Variants in NDC1 observed in about 807,000 individuals in gnomAD.
NDC1 encodes nucleoporin NDC1.
NDC1 carries 24 observed loss-of-function variants against 89.8 expected under a neutral mutation model. That is an observed-to-expected ratio of 0.27 (90% CI 0.19 to 0.38). NDC1 has a LOEUF of 0.38. Among genes scored for constraint, NDC1 ranks in the 10% least tolerant of loss-of-function variants. NDC1 has a pLI of 1.00. For synonymous variants in NDC1, 296 were observed against 284.8 expected (o/e 1.04, Z -0.39); for missense variants, 728 against 797.6 (o/e 0.91, Z 1.05).
In NDC1 at chr1:53,787,127, T is replaced by G. The variant is rs202006036; in HGVS notation, c.1800+31A>C. ...CACTGGGTGGGAGGGGAAGATGACC[T>G]CTACCCCCTCCCAACCCACAGATTT... On this transcript the variant is annotated intron_variant, in intron 16 of 17. Coordinates refer to ENST00000371429, the MANE Select transcript of NDC1 (RefSeq NM_018087.5). The G allele has an allele frequency of 1.9e-5, 23 of 1,231,478 alleles. No individual in the cohort carries two copies. The East Asian group carries it at 5.4e-4, about 29-fold the overall frequency. 76.3% of individuals were successfully genotyped at this position (1,231,478 alleles called of 1,614,324 possible).
chr1:53,773,164 C>T (rs1647133742), intron 16 of NDC1, among the ~76,000 whole-genome samples: 1 of 151,728 alleles, frequency 6.6e-6, no homozygotes, highest in South Asian at 2.1e-4. Context: ...GTTTATCTTC[C>T]TTTTCAATTC....
chr1:53,834,448 T>G (rs1338042119), intron 2 of NDC1, among the ~76,000 whole-genome samples: 1 of 152,202 alleles, frequency 6.6e-6, no homozygotes, highest in Non-Finnish European at 1.5e-5. Context: ...AACAAGAAAC[T>G]TAACACCAAT....
intron 6 of NDC1, among the ~76,000 whole-genome samples, chr1:53,813,489 C>G (rs1648378935): frequency 6.6e-6 from 1 of 152,062 alleles, no homozygotes; most frequent in South Asian, 2.1e-4. Context: ...ATTCTTATAT[C>G]AGACAAAACA....
chr1:53,819,107 G>A, intron 5 of NDC1, 28 bp from the exon 6 acceptor site: 1 of 1,108,390 alleles, frequency 9.0e-7, no homozygotes, highest in Non-Finnish European at 1.3e-6. Flanking sequence ...AGAATCAAAT[G>A]ACACATTCAA....
intron 16 of NDC1, among the ~76,000 whole-genome samples, chr1:53,774,281 T>C (rs17536244): frequency 7.2e-5 from 11 of 152,202 alleles, no homozygotes; most frequent in Non-Finnish European, 1.6e-4. Context: ...TTTCAACTAC[T>C]ACCTAAAATT....
intron 5 of NDC1, among the ~76,000 whole-genome samples, chr1:53,823,982 T>C (rs1337818215): frequency 1.3e-5 from 2 of 152,078 alleles, no homozygotes; most frequent in East Asian, 1.9e-4. Flanking sequence ...CAGCCAGGCA[T>C]AGTGGCTCAT....
chr1:53,832,503 C>T lies in NDC1; in HGVS notation c.267G>A (p.Val89=). The change falls in exon 3 of 18, where the codon GTG becomes GTA. Residue 89 remains valine (V), a synonymous_variant. Transcript: ENST00000371429. ...TTGAAAACTCACCTGCATAGAACTC[C>T]ACATTGAAAATACTTATTATTATTA... The part of the protein sequence containing the change: ...VVIIIISIFN[V]EFYAVVPSIP... 6.4e-7 allele frequency: 1 copy of T among 1,571,526 alleles called. No homozygotes were observed. Among genetic ancestry groups the T allele is most frequent in the Non-Finnish European group, 8.8e-7 (1 of 1,141,954 alleles).
chr1:53,788,154 C>T (rs372527519), intron 15 of NDC1, among the ~76,000 whole-genome samples: 1 of 152,074 alleles, frequency 6.6e-6, no homozygotes, highest in African/African-American at 2.4e-5. Context: ...CTTAGCTGGG[C>T]GTGGTGGCAT....
At chr1:53,809,590 T>G in intron 7 of NDC1, 105 bp downstream of exon 7, 1 of 812,410 alleles carries the variant, frequency 1.2e-6, no homozygotes, top group Non-Finnish European at 2.0e-6. Context: ...AATACAATTT[T>G]TAAAAAAATG....
intron 14 of NDC1, among the ~76,000 whole-genome samples, chr1:53,791,348 G>A (rs540792812): frequency 5.9e-5 from 9 of 151,970 alleles, no homozygotes; most frequent in Non-Finnish European, 1.0e-4. Context: ...GAACTTGGGA[G>A]GCGGAGCTTG....
intron 2 of NDC1, among the ~76,000 whole-genome samples, chr1:53,833,152 T>C (rs1193556798): frequency 6.6e-6 from 1 of 152,188 alleles, no homozygotes; most frequent in Non-Finnish European, 1.5e-5. Flanking sequence ...AAACTTTCTT[T>C]CTTTCTTTTC....
chr1:53,789,077 C>A (rs1647400917), intron 15 of NDC1, 56 bp downstream of exon 15: 8 of 1,140,726 alleles, frequency 7.0e-6, no homozygotes, highest in Non-Finnish European at 1.1e-5. Context: ...ATGAATTATA[C>A]TTCAATATTT....
chr1:53,792,739 C>G (rs78976798), intron 14 of NDC1, among the ~76,000 whole-genome samples: 1 of 152,240 alleles, frequency 6.6e-6, no homozygotes, highest in African/African-American at 2.4e-5. Flanking sequence ...CTGAGATTTA[C>G]TCTCCTGTGG....
intron 11 of NDC1, 143 bp downstream of exon 11, chr1:53,800,548 ATC>A (rs1647872949): frequency 1.3e-6 from 1 of 741,466 alleles, no homozygotes; most frequent in African/African-American, 1.8e-5. Context: ...GATGGTCTCG[ATC>A]TCTTGACCTC....
intron 10 of NDC1, 121 bp from the exon 11 acceptor site, chr1:53,800,969 G>A (rs1320838607): frequency 1.2e-6 from 1 of 810,586 alleles, no homozygotes; most frequent in Non-Finnish European, 1.9e-6. Flanking sequence ...ACTTTTCTTA[G>A]TGAAGCTACT....
rs1647075562 is a variant in NDC1, at chr1:53,767,499, T to G, written c.*471A>C. ...ATATTTTTTGTGAATATTGCTGCAC[T>G]GTTACCATTTTTATCCTTCAGTAAA... On this transcript the variant is annotated 3_prime_UTR_variant, in exon 18 of 18. Transcript: ENST00000371429. The G allele has an allele frequency of 6.6e-6, 1 of 152,338 alleles. No homozygotes were observed. Among genetic ancestry groups the G allele is most frequent in the Admixed American group, 6.5e-5 (1 of 15,278 alleles). The allele number at this position is 152,338 out of a possible 1,614,324, so 9.4% of individuals were successfully genotyped here. A position where few individuals can be genotyped will look rare whatever the true frequency, so the allele number is the denominator to read the frequency against.
chr1:53,769,490 T>C (rs964613538), intron 17 of NDC1, among the ~76,000 whole-genome samples: 1 of 152,236 alleles, frequency 6.6e-6, no homozygotes, highest in East Asian at 1.9e-4. Context: ...TATTTATATA[T>C]AAATCCCATA....
intron 16 of NDC1, among the ~76,000 whole-genome samples, chr1:53,782,033 G>A (rs1480399374): frequency 6.6e-6 from 1 of 152,142 alleles, no homozygotes; most frequent in Non-Finnish European, 1.5e-5. Flanking sequence ...ATGAAGAGGA[G>A]ACAATAAAAG....
chr1:53,788,197 GGGA>G (rs1647367177), intron 15 of NDC1, among the ~76,000 whole-genome samples: 1 of 152,154 alleles, frequency 6.6e-6, no homozygotes, highest in Non-Finnish European at 1.5e-5. Context: ...AGGAGGCTGA[GGGA>G]GGAGGATTGC....
Sources: gnomAD v4.1 joint callset for allele counts (sites outside exome capture counted in the v4.1 genomes callset) on GRCh38, gnomAD v4.1.1 for gene constraint, MANE v1.5 for transcripts, NCBI Gene and HGNC (gene_info 2026-07-23, HGNC 2026-07-21) for gene names.